The following SMG5 variants were observed in gnomAD, a reference collection of about 807,000 sequenced individuals.
The protein encoded by SMG5 is SMG5 nonsense mediated mRNA decay factor.
In SMG5, 53 loss-of-function variants were observed where a neutral mutation model predicts 122.9. That is an observed-to-expected ratio of 0.43 (90% CI 0.35 to 0.54). The LOEUF (loss-of-function observed/expected upper bound fraction) is 0.54, where lower values mean the gene tolerates loss of function less well. SMG5 is among the 20% of genes least tolerant of loss of function. The probability of loss-of-function intolerance (pLI) is 0.01; values close to 1 mark genes in which losing one functional copy is unlikely to be tolerated. For synonymous variants in SMG5, 477 were observed against 490.2 expected (o/e 0.97, Z 0.35); for missense variants, 1,153 against 1,285.6 (o/e 0.90, Z 1.58).
chr1:156,259,158 CACT>C lies in SMG5; in HGVS notation c.2286_2288del (p.Val764del). ...AGCTGCGGATGCAGCAGATGCGCAC[CACT>C]GACTGTGGGGAGATACAGGAGCCCA... On this transcript the variant is annotated inframe_deletion and splice_region_variant, in exon 16 of 22. Transcript: ENST00000361813. 1 of 1,575,966 alleles carries C rather than the reference CACT, an allele frequency of 6.3e-7. No homozygotes were observed. Among genetic ancestry groups the C allele is most frequent in the East Asian group, 2.3e-5 (1 of 44,136 alleles).
In SMG5 at chr1:156,268,133, A is replaced by C. The variant is rs1203547410; in HGVS notation, c.890T>G (p.Leu297Arg). The change falls in exon 9 of 22, where the codon CTC becomes CGC. Residue 297 changes from leucine (L) to arginine (R), a missense_variant. Transcript: ENST00000361813. ...CACTCACCTGCTTTTGGGCTGTAGG[A>C]GGCTTTGCAGATACATAAAGTTCAC... is the stretch of plus-strand genomic sequence containing the variant. The part of the protein sequence containing the change: ...LLVNFMYLQS[L>R]LQPKSSSVDS... The C allele has an allele frequency of 6.2e-7, 1 of 1,614,162 alleles. No individual in the cohort carries two copies. The highest frequency in any genetic ancestry group is 1.1e-5 in the South Asian group (1 of 91,086).
intron 19 of SMG5, among the ~76,000 whole-genome samples, 200 bp downstream of exon 19, chr1:156,252,214 G>A (rs1178250212): frequency 6.6e-6 from 1 of 152,172 alleles, no homozygotes; most frequent in African/African-American, 2.4e-5. Flanking sequence ...TGATCCCTTT[G>A]GTCACCCTCT....
chr1:156,255,785 C>T (rs1661553211), intron 16 of SMG5, among the ~76,000 whole-genome samples: 1 of 152,002 alleles, frequency 6.6e-6, no homozygotes, highest in Non-Finnish European at 1.5e-5. Flanking sequence ...TGCCTGTAGT[C>T]CTAGCTACTC....
chr1:156,276,135 T>C (rs1308144722), intron 4 of SMG5, among the ~76,000 whole-genome samples: 1 of 149,618 alleles, frequency 6.7e-6, no homozygotes, highest in African/African-American at 2.5e-5. Flanking sequence ...GGCTTTTTTT[T>C]TTTTTTTTTG....
In SMG5 at chr1:156,260,584, C is replaced by T. The variant is rs1661777851; in HGVS notation, c.2150G>A (p.Cys717Tyr). 3 of 1,527,880 alleles carry T rather than the reference C, an allele frequency of 2.0e-6. No individual in the cohort carries two copies. The highest frequency in any genetic ancestry group is 2.6e-6 in the Non-Finnish European group (3 of 1,143,866). 94.6% of individuals were successfully genotyped at this position (1,527,880 alleles called of 1,614,324 possible). The change falls in exon 15 of 22, where the codon TGT becomes TAT. Residue 717 changes from cysteine (C) to tyrosine (Y), a missense_variant. This residue lies in a region of SMG5 where 631 missense variants were observed against 650.6 expected (regional missense o/e 0.97). Coordinates refer to ENST00000361813, the MANE Select transcript of SMG5 (RefSeq NM_015327.3). ...CPEVQDLLEG[C>Y]ELPDLPSSLL... ...GCTAGAGGGGAGGTCAGGCAGTTCA[C>T]AACCTTCAAGAAGATCTTGGACCTC...
chr1:156,289,759 G>T, the SMG5 span, among the ~76,000 whole-genome samples: 5 of 152,186 alleles, frequency 3.3e-5, no homozygotes, highest in Non-Finnish European at 5.9e-5. Flanking sequence ...GTAATAAGTG[G>T]TCCTTCATAT....
chr1:156,284,665 T>G (rs1212561806), upstream of SMG5, among the ~76,000 whole-genome samples: 2 of 152,192 alleles, frequency 1.3e-5, no homozygotes, highest in African/African-American at 4.8e-5. Flanking sequence ...TGCCTGGAAC[T>G]GCCAGCTCTT....
chr1:156,286,151 A>T (rs991050485), upstream of SMG5: 5 of 1,368,728 alleles, frequency 3.7e-6, no homozygotes, highest in Non-Finnish European at 5.1e-6. Flanking sequence ...CCTCCACCCC[A>T]CTGTGTAGAG....
chr1:156,256,306 CTCTCTTT>C lies in SMG5; in HGVS notation c.2442+2692_2442+2698del, dbSNP rs1201649070. 3.8e-3 allele frequency among the ~76,000 whole-genome samples: 519 copies of C among 138,240 alleles called. 1 individual carries two copies. The highest frequency in any genetic ancestry group is 9.4e-3 in the African/African-American group (357 of 38,116). 90.7% of individuals were successfully genotyped at this position (138,240 alleles called of 152,430 possible). The stretch of plus-strand genomic sequence containing the variant: ...CCAGAGCCTAGGTGAGAGCCATCTT[CTCTCTTT>C]TTTTTTTTTTTTTTTTTTTTTGAGG... On this transcript the variant is annotated intron_variant, in intron 16 of 21. Transcript: ENST00000361813.
intron 6 of SMG5, 26 bp from the exon 7 acceptor site, chr1:156,272,424 T>C (rs1408773363): frequency 6.3e-7 from 1 of 1,577,042 alleles, no homozygotes; most frequent in Non-Finnish European, 8.7e-7. Flanking sequence ...ATTCATGCAG[T>C]CTAAGGCCAC....
chr1:156,277,641 T>C (rs935031112), intron 3 of SMG5, among the ~76,000 whole-genome samples: 6 of 151,508 alleles, frequency 4.0e-5, no homozygotes, highest in Admixed American at 2.6e-4. Flanking sequence ...GCCTCCCGAG[T>C]AGCTGGGATT....
chr1:156,274,756 C>T, intron 4 of SMG5, 70 bp from the exon 5 acceptor site: 1 of 1,273,654 alleles, frequency 7.9e-7, no homozygotes, highest in South Asian at 1.2e-5. Context: ...AGAAATACCC[C>T]TCCGAGATGT....
In SMG5 at chr1:156,271,269, A is replaced by G. The variant is rs1662405329; in HGVS notation, c.713+1051T>C. ...TACTTTATTATCTGATTACTTTACT[A>G]TTTGGATATACTTTAGTAGTTGACC... is the stretch of plus-strand genomic sequence containing the variant. On this transcript the variant is annotated intron_variant, in intron 7 of 21. Coordinates refer to ENST00000361813, the MANE Select transcript of SMG5 (RefSeq NM_015327.3). Among the ~76,000 whole-genome samples, 3 of 152,172 alleles carry G rather than the reference A, an allele frequency of 2.0e-5. No individual in the cohort carries two copies. The South Asian group carries it at 6.2e-4, about 31-fold the overall frequency.
At chr1:156,283,092 G>C (rs960225454), upstream of SMG5, 3 of 383,856 alleles carry the variant, frequency 7.8e-6, no homozygotes, top group African/African-American at 6.3e-5. Flanking sequence ...GAGCGTGACT[G>C]CTTTGTCCTA....
chr1:156,266,373 T>C lies in SMG5; in HGVS notation c.1263A>G (p.Pro421=). The C allele has an allele frequency of 6.2e-7, 1 of 1,610,744 alleles. No individual in the cohort carries two copies. Among genetic ancestry groups the C allele is most frequent in the Non-Finnish European group, 8.5e-7 (1 of 1,177,506 alleles). The part of the protein sequence containing the change: ...PAFQSDGTDE[P]ESKEPVEKEE... ...CTTTCTCCACAGGTTCCTTGGACTC[T>C]GGTTCATCTGCGGAAAGAGGAAGGT... is the stretch of plus-strand genomic sequence containing the variant. The change falls in exon 12 of 22, where the codon CCA becomes CCG. Residue 421 remains proline, a synonymous_variant. Coordinates refer to ENST00000361813, the MANE Select transcript of SMG5 (RefSeq NM_015327.3).
chr1:156,268,502 A>G (rs1662260930), intron 7 of SMG5, 87 bp from the exon 8 acceptor site: 6 of 1,536,002 alleles, frequency 3.9e-6, no homozygotes, highest in South Asian at 1.2e-5. Context: ...TGTTACTAGT[A>G]AATACAGGCT....
At chr1:156,282,877 C>T, upstream of SMG5, 1 of 576,468 alleles carries the variant, frequency 1.7e-6, no homozygotes, top group Non-Finnish European at 3.0e-6. Context: ...CAGTTGCGGA[C>T]CAGTGGCCTG....
At chr1:156,276,947 C>T (rs1662709330) in intron 4 of SMG5, 138 bp downstream of exon 4, 1 of 835,330 alleles carries the variant, frequency 1.2e-6, no homozygotes, top group Non-Finnish European at 1.8e-6. Context: ...TAAATCCAAA[C>T]TTCATAAACC....
chr1:156,266,418 A>G (rs778336788), intron 11 of SMG5, 38 bp from the exon 12 acceptor site: 2 of 1,601,750 alleles, frequency 1.2e-6, no homozygotes, highest in Non-Finnish European at 1.7e-6. Flanking sequence ...CCCGAGGAAC[A>G]GGTGGAGCCT....
Sources: allele counts gnomAD v4.1 joint callset (sites outside exome capture counted in the v4.1 genomes callset), GRCh38; gene constraint gnomAD v4.1.1; regional missense constraint gnomAD v4.1.1; transcripts MANE v1.5; gene names NCBI Gene and HGNC (gene_info 2026-07-23, HGNC 2026-07-21).